The following LUZP2 variants were observed in gnomAD, a reference collection of about 807,000 sequenced individuals.
LUZP2 encodes the protein leucine zipper protein 2.
LUZP2 carries 52 observed loss-of-function variants against 51.6 expected under a neutral mutation model. The observed-to-expected ratio is 1.01, with a 90% CI of 0.81 to 1.27. The LOEUF (loss-of-function observed/expected upper bound fraction) is 1.27. Among genes scored for constraint, LUZP2 ranks in the 50% most tolerant of loss-of-function variants. LUZP2 has a pLI of 0.00. For synonymous variants in LUZP2, 154 were observed against 137.3 expected (o/e 1.12, Z -0.85); for missense variants, 436 against 395.4 (o/e 1.10, Z -0.87).
At position 24,870,116 on chromosome 11, in the gene LUZP2, G is replaced by C. The variant is rs747400850; in HGVS notation, c.397-35875G>C. On this transcript the variant is annotated intron_variant, in intron 5 of 11. Transcript: ENST00000336930. ...AAGCCAAAGCCTGCTCTAAATCAAG[G>C]CCCTAACTCTTCAATGCTGTAAAGG... Among the ~76,000 whole-genome samples, 6 of 152,194 alleles carry C rather than the reference G, an allele frequency of 3.9e-5. No individual in the cohort carries two copies. The South Asian group carries it at 1.2e-3, about 32-fold the overall frequency.
intron 7 of LUZP2, among the ~76,000 whole-genome samples, chr11:24,971,974 T>C (rs80215346): frequency 0.011 from 1,718 of 151,936 alleles, 34 homozygotes; most frequent in African/African-American, 0.038. Flanking sequence ...ATCCTGTTTT[T>C]ACTAAAACAG....
intron 7 of LUZP2, among the ~76,000 whole-genome samples, chr11:24,919,922 A>C (rs184258423): frequency 6.6e-6 from 1 of 151,754 alleles, no homozygotes; most frequent in Admixed American, 6.6e-5. Context: ...TTAAAGAAAC[A>C]AAAATAAATA....
At chr11:24,928,935 A>T (rs991227625) in intron 7 of LUZP2, among the ~76,000 whole-genome samples, 1 of 151,750 alleles carries the variant, frequency 6.6e-6, no homozygotes, top group Non-Finnish European at 1.5e-5. Context: ...CAGAGTTTCT[A>T]TTTTTTCCCA....
At chr11:24,982,850 T>A (rs956027730) in intron 8 of LUZP2, among the ~76,000 whole-genome samples, 3 of 151,842 alleles carry the variant, frequency 2.0e-5, no homozygotes, top group African/African-American at 7.2e-5. Flanking sequence ...TCCTGCAAAC[T>A]ATCATGGTGG....
intron 7 of LUZP2, among the ~76,000 whole-genome samples, chr11:24,932,463 G>T (rs1475041932): frequency 6.6e-6 from 1 of 152,146 alleles, no homozygotes; most frequent in Non-Finnish European, 1.5e-5. Context: ...CTCTTCTTGG[G>T]TGATTCTTGC....
intron 9 of LUZP2, among the ~76,000 whole-genome samples, chr11:25,028,170 T>G (rs1857550476): frequency 6.6e-6 from 1 of 152,138 alleles, no homozygotes; most frequent in Non-Finnish European, 1.5e-5. Context: ...AAATGGAGTA[T>G]TCATCATTTC....
intron 1 of LUZP2, among the ~76,000 whole-genome samples, chr11:24,592,804 A>T (rs1175021359): frequency 4.6e-5 from 7 of 152,178 alleles, no homozygotes; most frequent in African/African-American, 1.7e-4. Flanking sequence ...AAAATATTTT[A>T]TTTAAAAGTC....
At chr11:24,682,598 G>A (rs368133009) in intron 1 of LUZP2, among the ~76,000 whole-genome samples, 26,410 of 144,510 alleles carry the variant, frequency 0.18, 2,518 homozygotes, top group East Asian at 0.32. Flanking sequence ...GTGTGTGTGT[G>A]TATATATATG....
intron 1 of LUZP2, among the ~76,000 whole-genome samples, chr11:24,517,738 G>A (rs376086506): frequency 2.0e-5 from 3 of 151,990 alleles, no homozygotes; most frequent in South Asian, 4.1e-4. Flanking sequence ...AGTGTTAAAT[G>A]AGAGTTTAAT....
chr11:24,811,713 A>G (rs1452408767), intron 5 of LUZP2, among the ~76,000 whole-genome samples: 1 of 152,110 alleles, frequency 6.6e-6, no homozygotes, highest in Non-Finnish European at 1.5e-5. Flanking sequence ...AAATGTGTTC[A>G]GTATGCAGCC....
chr11:24,951,505 T>C (rs1316728727), intron 7 of LUZP2, among the ~76,000 whole-genome samples: 1 of 151,622 alleles, frequency 6.6e-6, no homozygotes, highest in Non-Finnish European at 1.5e-5. Flanking sequence ...TTTAATTAAT[T>C]ATAAGCATTT....
chr11:24,954,521 T>C (rs181240684), intron 7 of LUZP2, among the ~76,000 whole-genome samples: 22 of 152,186 alleles, frequency 1.4e-4, no homozygotes, highest in Non-Finnish European at 2.6e-4. Flanking sequence ...ACCATTCTGA[T>C]GTTCCTTATA....
chr11:24,871,342 A>C (rs1852064797), intron 5 of LUZP2, among the ~76,000 whole-genome samples: 1 of 152,100 alleles, frequency 6.6e-6, no homozygotes. Flanking sequence ...TAAACCACTA[A>C]CATAGTTTTC....
intron 7 of LUZP2, among the ~76,000 whole-genome samples, chr11:24,950,614 C>T (rs1204520087): frequency 6.6e-6 from 1 of 151,510 alleles, no homozygotes; most frequent in Non-Finnish European, 1.5e-5. Context: ...TTTAGAGAAG[C>T]AATACAGCTA....
intron 9 of LUZP2, among the ~76,000 whole-genome samples, chr11:25,036,001 C>T (rs1407689292): frequency 6.6e-6 from 1 of 151,974 alleles, no homozygotes; most frequent in Non-Finnish European, 1.5e-5. Context: ...AGGATGGAGG[C>T]CCTCCTCCCC....
chr11:24,883,422 G>A (rs879794236), intron 5 of LUZP2, among the ~76,000 whole-genome samples: 1 of 148,134 alleles, frequency 6.8e-6, no homozygotes, highest in Non-Finnish European at 1.5e-5. Flanking sequence ...CAAATGATGA[G>A]CATATTCTTC....
intron 4 of LUZP2, among the ~76,000 whole-genome samples, chr11:24,757,617 A>T (rs1486196666): frequency 6.6e-6 from 1 of 152,002 alleles, no homozygotes; most frequent in African/African-American, 2.4e-5. Context: ...TAGACAAAAA[A>T]CAATAAACTA....
At chr11:24,634,658 AT>A (rs1472747972) in intron 1 of LUZP2, among the ~76,000 whole-genome samples, 1 of 151,656 alleles carries the variant, frequency 6.6e-6, no homozygotes, top group African/African-American at 2.4e-5. Context: ...TAAATGAGCA[AT>A]AAACTGACCA....
intron 11 of LUZP2, 29 bp from the exon 12 acceptor site, chr11:25,078,525 C>T (rs12420723): frequency 0.16 from 252,538 of 1,542,070 alleles, 22,968 homozygotes; most frequent in East Asian, 0.35. Context: ...TTTGATTCTT[C>T]GAATTGTCTT....
Sources: gnomAD v4.1 joint callset for allele counts (sites outside exome capture counted in the v4.1 genomes callset) on GRCh38, gnomAD v4.1.1 for gene constraint, MANE v1.5 for transcripts, NCBI Gene and HGNC (gene_info 2026-07-23, HGNC 2026-07-21) for gene names.